Variants in NRXN3 observed in about 807,000 individuals in gnomAD.
NRXN3 encodes neurexin III.
A neutral mutation model predicts 137.6 loss-of-function variants in NRXN3; 32 were observed. That is an observed-to-expected ratio of 0.23 (90% CI 0.18 to 0.31). The LOEUF (loss-of-function observed/expected upper bound fraction) is 0.31. Among genes scored for constraint, NRXN3 ranks in the 10% least tolerant of loss-of-function variants. The pLI, the probability that NRXN3 is intolerant of heterozygous loss-of-function variation, is 1.00. For missense variants in NRXN3, 1,574 were observed against 2,062.5 expected, an observed-to-expected ratio of 0.76 and a Z score of 4.59; for synonymous variants, 798 against 784.5, an observed-to-expected ratio of 1.02 and a Z score of -0.29.
chr14:78,851,036 A>G (rs1392183783), intron 10 of NRXN3, among the ~76,000 whole-genome samples: 1 of 152,156 alleles, frequency 6.6e-6, no homozygotes, highest in East Asian at 1.9e-4. Flanking sequence ...GACTAAACAG[A>G]TATCTTTTGT....
chr14:79,111,232 T>A (rs116917338), intron 15 of NRXN3, among the ~76,000 whole-genome samples: 54 of 152,342 alleles, frequency 3.5e-4, no homozygotes, highest in Admixed American at 7.2e-4. Flanking sequence ...ATGTGAGTGC[T>A]GGCAATTTGC....
intron 2 of NRXN3, among the ~76,000 whole-genome samples, chr14:78,247,126 T>G (rs1037734420): frequency 6.6e-6 from 1 of 152,182 alleles, no homozygotes; most frequent in African/African-American, 2.4e-5. Flanking sequence ...TGGTCCATTA[T>G]CTCCAGCCCC....
intron 8 of NRXN3, among the ~76,000 whole-genome samples, chr14:78,766,563 A>C (rs1388177175): frequency 1.3e-5 from 2 of 152,232 alleles, no homozygotes; most frequent in Non-Finnish European, 2.9e-5. Context: ...ATTTAATTAC[A>C]TGTGATGGAT....
At position 79,609,489 on chromosome 14, in the gene NRXN3, T is replaced by C. The variant is rs530126997; in HGVS notation, c.3445-54289T>C. Among the ~76,000 whole-genome samples, 10 of 152,190 alleles carry C rather than the reference T, an allele frequency of 6.6e-5. No homozygotes were observed. The East Asian group carries it at 7.7e-4, about 12-fold the overall frequency. ...GTAAGAGGAATAATAAGATTTTGAA[T>C]CAAGAAGAGGAATTCTGCCACATGC... On this transcript the variant is annotated intron_variant, in intron 16 of 20. Transcript: ENST00000335750.
chr14:79,745,275 T>G (rs2098976198), intron 19 of NRXN3, among the ~76,000 whole-genome samples: 2 of 152,090 alleles, frequency 1.3e-5, no homozygotes, highest in African/African-American at 4.8e-5. Flanking sequence ...ATGCAAGACC[T>G]TCTGTAGCTG....
chr14:79,409,695 G>T (rs556393550), intron 15 of NRXN3, among the ~76,000 whole-genome samples: 1 of 145,778 alleles, frequency 6.9e-6, no homozygotes. Context: ...ATTACATAAA[G>T]ACCCATATGA....
chr14:78,599,447 T>TAACA (rs2097184979), intron 4 of NRXN3, among the ~76,000 whole-genome samples: 1 of 152,250 alleles, frequency 6.6e-6, no homozygotes, highest in Non-Finnish European at 1.5e-5. Context: ...AGTCTATAGT[T>TAACA]AACACATAGC....
chr14:79,083,099 TC>T (rs1285367586), intron 15 of NRXN3, among the ~76,000 whole-genome samples: 13 of 152,154 alleles, frequency 8.5e-5, no homozygotes, highest in Admixed American at 6.5e-5. Context: ...GATGACAAAT[TC>T]CCATTTATTT....
intron 15 of NRXN3, among the ~76,000 whole-genome samples, chr14:79,126,537 G>A (rs1220956201): frequency 2.0e-5 from 3 of 152,178 alleles, no homozygotes; most frequent in Non-Finnish European, 4.4e-5. Context: ...GTGTTCCATG[G>A]TCTATGTGTG....
At chr14:79,234,296 ATATAT>A (rs2072828820) in intron 15 of NRXN3, among the ~76,000 whole-genome samples, 1 of 4,754 alleles carries the variant, frequency 2.1e-4, no homozygotes, top group Admixed American at 1.9e-3. Flanking sequence ...AATGGTAAAT[ATATAT>A]ATATATATAT....
intron 8 of NRXN3, among the ~76,000 whole-genome samples, chr14:78,747,011 G>C (rs2098611005): frequency 6.6e-6 from 1 of 152,106 alleles, no homozygotes; most frequent in South Asian, 2.1e-4. Context: ...CCTCCACTTG[G>C]GAGGAGTAGG....
At chr14:78,831,784 C>G (rs553619513) in intron 10 of NRXN3, among the ~76,000 whole-genome samples, 1 of 151,866 alleles carries the variant, frequency 6.6e-6, no homozygotes, top group Non-Finnish European at 1.5e-5. Flanking sequence ...TCATTTAAGT[C>G]GATAAAATTG....
chr14:78,289,594 T>C (rs993119213), intron 3 of NRXN3, among the ~76,000 whole-genome samples: 1 of 152,106 alleles, frequency 6.6e-6, no homozygotes, highest in African/African-American at 2.4e-5. Context: ...TGTTTTTTTT[T>C]TTCCATCATG....
chr14:78,814,570 G>T (rs2098925668), intron 10 of NRXN3, among the ~76,000 whole-genome samples: 1 of 152,182 alleles, frequency 6.6e-6, no homozygotes. Context: ...TGCTGAGATT[G>T]TGCCACTGCA....
At chr14:79,839,703 C>T (rs2099351759) in intron 20 of NRXN3, among the ~76,000 whole-genome samples, 1 of 152,082 alleles carries the variant, frequency 6.6e-6, no homozygotes, top group African/African-American at 2.4e-5. Context: ...GTCTTATCCC[C>T]CCAAAAATCT....
At chr14:79,609,883 G>A (rs2098077050) in intron 16 of NRXN3, among the ~76,000 whole-genome samples, 1 of 152,054 alleles carries the variant, frequency 6.6e-6, no homozygotes, top group South Asian at 2.1e-4. Flanking sequence ...TCACTCATAA[G>A]TGGGAGTTGA....
In NRXN3 at chr14:79,190,620, G is replaced by A. The variant is rs972929590; in HGVS notation, c.3262+202479G>A. Among the ~76,000 whole-genome samples, 12 of 152,168 alleles carry A rather than the reference G, an allele frequency of 7.9e-5. No individual in the cohort carries two copies. In the South Asian group the frequency reaches 1.0e-3, roughly 13 times the overall value. ...AATGTTTGGTTTCTCTCGATATTCC[G>A]AGGTTATATATCAAAAGAAGCCGTG... On this transcript the variant is annotated intron_variant, in intron 15 of 20. Transcript: ENST00000335750.
intron 16 of NRXN3, among the ~76,000 whole-genome samples, chr14:79,593,147 CTG>C (rs2097823720): frequency 6.6e-6 from 1 of 151,902 alleles, no homozygotes; most frequent in Admixed American, 6.6e-5. Context: ...GAAAAAAAAA[CTG>C]TTCACTGTGA....
chr14:78,751,129 TC>T (rs959328759), intron 8 of NRXN3, among the ~76,000 whole-genome samples: 12 of 152,208 alleles, frequency 7.9e-5, no homozygotes, highest in East Asian at 3.9e-4. Context: ...CAAGCCTTTT[TC>T]CCCCCACTAT....
Sources: gnomAD v4.1 joint callset for allele counts (sites outside exome capture counted in the v4.1 genomes callset) on GRCh38, gnomAD v4.1.1 for gene constraint, MANE v1.5 for transcripts, NCBI Gene and HGNC (gene_info 2026-07-23, HGNC 2026-07-21) for gene names.